The following KCNH7 variants were observed in gnomAD, a reference collection of about 807,000 sequenced individuals.
KCNH7 encodes the protein voltage-gated inwardly rectifying potassium channel KCNH7.
Under a neutral mutation model 120.8 loss-of-function variants are expected in KCNH7, and 49 were observed. The observed-to-expected ratio is 0.41, with a 90% CI of 0.32 to 0.51. The LOEUF (loss-of-function observed/expected upper bound fraction) is 0.51. Among genes scored for constraint, KCNH7 ranks in the 20% least tolerant of loss-of-function variants. KCNH7 has a pLI of 0.38. For synonymous variants in KCNH7, 547 were observed against 516.1 expected (o/e 1.06, Z -0.81); for missense variants, 1,097 against 1,446.6 (o/e 0.76, Z 3.92).
chr2:162,505,008 T>G (rs1285139766), intron 5 of KCNH7, among the ~76,000 whole-genome samples: 1 of 152,006 alleles, frequency 6.6e-6, no homozygotes, highest in Non-Finnish European at 1.5e-5. Flanking sequence ...ATTTTGTAAT[T>G]TGAGGATTAT....
At chr2:162,781,704 A>G (rs1683498683) in intron 2 of KCNH7, among the ~76,000 whole-genome samples, 2 of 152,174 alleles carry the variant, frequency 1.3e-5, no homozygotes, top group Admixed American at 6.5e-5. Context: ...AAATTAGCAA[A>G]TAAATCTAGA....
intron 2 of KCNH7, among the ~76,000 whole-genome samples, chr2:162,773,666 G>GT (rs200924332): frequency 0.011 from 1,724 of 152,122 alleles, 34 homozygotes; most frequent in African/African-American, 0.039. Flanking sequence ...GAAAAAAAGT[G>GT]TAAAACTCAA....
intron 2 of KCNH7, among the ~76,000 whole-genome samples, chr2:162,617,029 T>G (rs577335356): frequency 6.6e-6 from 1 of 152,056 alleles, no homozygotes; most frequent in Non-Finnish European, 1.5e-5. Flanking sequence ...CATCAAATCA[T>G]GTCATAGACC....
At chr2:162,394,543 C>T (rs1471729565) in intron 11 of KCNH7, 58 bp from the exon 12 acceptor site, 2 of 983,232 alleles carry the variant, frequency 2.0e-6, no homozygotes, top group Non-Finnish European at 3.2e-6. Context: ...ACACAATGTA[C>T]TATTCAGTAA....
chr2:162,789,840 G>C (rs1683857487), intron 2 of KCNH7, among the ~76,000 whole-genome samples: 1 of 151,810 alleles, frequency 6.6e-6, no homozygotes, highest in Admixed American at 6.6e-5. Context: ...ATGGGATATA[G>C]CAAAACCAGT....
rs1473122095 is a variant in KCNH7, at chr2:162,435,162, C to G, written c.1954+36G>C. 6.5e-6 allele frequency: 10 copies of G among 1,546,412 alleles called. No individual in the cohort carries two copies. In the East Asian group the frequency reaches 2.3e-4, roughly 35 times the overall value. On this transcript the variant is annotated intron_variant, in intron 8 of 15. Coordinates refer to ENST00000332142, the MANE Select transcript of KCNH7 (RefSeq NM_033272.4). ...GAAATATTAATTTCAAGGTATTATTCTATCCTAATAGACAACAGAAGAGAA... is the reference window on the plus strand; with the variant it reads ...GAAATATTAATTTCAAGGTATTATTGTATCCTAATAGACAACAGAAGAGAA...
intron 2 of KCNH7, among the ~76,000 whole-genome samples, chr2:162,704,993 CGTT>C (rs1159466107): frequency 6.6e-6 from 1 of 151,996 alleles, no homozygotes; most frequent in Non-Finnish European, 1.5e-5. Flanking sequence ...TTTTAGTGAT[CGTT>C]GTCATTATGA....
At chr2:162,629,354 A>G (rs1683678248) in intron 2 of KCNH7, among the ~76,000 whole-genome samples, 1 of 151,998 alleles carries the variant, frequency 6.6e-6, no homozygotes, top group South Asian at 2.1e-4. Flanking sequence ...TTCCCCCACC[A>G]TCGCTGTCAG....
At chr2:162,581,186 G>A (rs746196131) in intron 2 of KCNH7, among the ~76,000 whole-genome samples, 4 of 151,984 alleles carry the variant, frequency 2.6e-5, no homozygotes, top group Non-Finnish European at 5.9e-5. Context: ...TTTCCATTTT[G>A]ATTTCAAATA....
chr2:162,614,486 G>T (rs114729577), intron 2 of KCNH7, among the ~76,000 whole-genome samples: 1,615 of 151,690 alleles, frequency 0.011, 13 homozygotes, highest in Non-Finnish European at 0.016. Flanking sequence ...ATGTCTCTCA[G>T]CCATAAAACA....
intron 2 of KCNH7, among the ~76,000 whole-genome samples, chr2:162,813,869 T>C (rs1684820726): frequency 6.6e-6 from 1 of 152,144 alleles, no homozygotes; most frequent in African/African-American, 2.4e-5. Context: ...CATGATACAA[T>C]AGTTCATAAA....
At chr2:162,445,433 T>A (rs112663766) in intron 7 of KCNH7, among the ~76,000 whole-genome samples, 42 of 152,026 alleles carry the variant, frequency 2.8e-4, no homozygotes, top group African/African-American at 9.2e-4. Context: ...GATCAAAGAG[T>A]CTTTTGAGGA....
intron 2 of KCNH7, among the ~76,000 whole-genome samples, chr2:162,748,932 TTCCTTCC>T (rs972380468): frequency 1.5e-4 from 7 of 47,878 alleles, no homozygotes; most frequent in South Asian, 1.2e-3. Flanking sequence ...TTTCCTTTCC[TTCCTTCC>T]TTCCTTCCTT....
At chr2:162,631,650 A>G (rs924468678) in intron 2 of KCNH7, among the ~76,000 whole-genome samples, 1 of 152,086 alleles carries the variant, frequency 6.6e-6, no homozygotes, top group African/African-American at 2.4e-5. Flanking sequence ...AAATATAGTT[A>G]TAACACTCAA....
intron 2 of KCNH7, among the ~76,000 whole-genome samples, chr2:162,724,659 G>A (rs377447882): frequency 2.3e-5 from 3 of 130,284 alleles, no homozygotes; most frequent in African/African-American, 1.0e-4. Context: ...GCGACAGAGC[G>A]AGACTCCGTC....
chr2:162,833,044 C>T (rs970744414), intron 2 of KCNH7, among the ~76,000 whole-genome samples: 18 of 152,002 alleles, frequency 1.2e-4, no homozygotes, highest in South Asian at 4.1e-4. Context: ...AATACAGGAA[C>T]GCTCTGACCT....
At chr2:162,703,109 TG>T (rs1287562431) in intron 2 of KCNH7, among the ~76,000 whole-genome samples, 1 of 152,148 alleles carries the variant, frequency 6.6e-6, no homozygotes, top group Non-Finnish European at 1.5e-5. Flanking sequence ...TTTAAAAGAA[TG>T]AGTAGTTTTA....
At chr2:162,751,819 T>G (rs907708392) in intron 2 of KCNH7, among the ~76,000 whole-genome samples, 1 of 151,954 alleles carries the variant, frequency 6.6e-6, no homozygotes, top group Non-Finnish European at 1.5e-5. Context: ...ATGTTATATT[T>G]GCCTAAGATG....
intron 2 of KCNH7, among the ~76,000 whole-genome samples, chr2:162,593,860 A>C (rs529939611): frequency 6.6e-6 from 1 of 152,000 alleles, no homozygotes; most frequent in Non-Finnish European, 1.5e-5. Context: ...ACTCAAAGGA[A>C]ATACTCATTG....
Sources: allele counts gnomAD v4.1 joint callset (sites outside exome capture counted in the v4.1 genomes callset), GRCh38; gene constraint gnomAD v4.1.1; transcripts MANE v1.5; gene names NCBI Gene and HGNC (gene_info 2026-07-23, HGNC 2026-07-21).